The following MROH9 variants were observed in gnomAD, a reference collection of about 807,000 sequenced individuals.
The protein encoded by MROH9 is maestro heat like repeat family member 9.
A neutral mutation model predicts 98.2 loss-of-function variants in MROH9; 92 were observed. The ratio of observed to expected loss-of-function variants is 0.94; its 90% CI spans 0.79 to 1.11. The LOEUF is 1.11. Among genes scored for constraint, MROH9 ranks in the 50% most tolerant of loss-of-function variants. The probability of loss-of-function intolerance (pLI) is 0.00; values close to 1 mark genes in which losing one functional copy is unlikely to be tolerated. For synonymous variants in MROH9, 397 were observed against 368.9 expected, an observed-to-expected ratio of 1.08 and a Z score of -0.87; for missense variants, 1,057 against 1,014.8, an observed-to-expected ratio of 1.04 and a Z score of -0.57.
intron 8 of MROH9, among the ~76,000 whole-genome samples, chr1:170,973,132 C>G (rs932392280): frequency 3.3e-5 from 5 of 152,160 alleles, no homozygotes; most frequent in South Asian, 2.1e-4. Flanking sequence ...CACACACACA[C>G]GCACGCACAA....
chr1:171,064,624 T>C lies in MROH9; in HGVS notation c.*284T>C. On this transcript the variant is annotated 3_prime_UTR_variant, in exon 22 of 22. Coordinates refer to ENST00000367759, the MANE Select transcript of MROH9 (RefSeq NM_001163629.2). ...TTGAAAATAACATAAGCAAAGTGTTTGATGAGAAGCTCTGGGAACTTGATT... is the reference window on the plus strand; with the variant it reads ...TTGAAAATAACATAAGCAAAGTGTTCGATGAGAAGCTCTGGGAACTTGATT... 3.7e-6 allele frequency: 1 copy of C among 272,450 alleles called. No homozygotes were observed. The highest frequency in any genetic ancestry group is 6.8e-6 in the Non-Finnish European group (1 of 146,914). The allele number at this position is 272,450 out of a possible 1,614,324, so 16.9% of individuals were successfully genotyped here.
At chr1:171,000,709 T>A (rs1434096963) in intron 15 of MROH9, among the ~76,000 whole-genome samples, 1 of 152,114 alleles carries the variant, frequency 6.6e-6, no homozygotes, top group Non-Finnish European at 1.5e-5. Context: ...TCTTTTTTGG[T>A]TGTATCTTTA....
intron 20 of MROH9, among the ~76,000 whole-genome samples, chr1:171,050,054 T>C (rs75888410): frequency 0.026 from 3,982 of 152,334 alleles, 163 homozygotes; most frequent in African/African-American, 0.089. Context: ...AAATGCATAC[T>C]ATGCAAATAC....
At chr1:171,007,413 T>C (rs1651998157) in intron 15 of MROH9, among the ~76,000 whole-genome samples, 1 of 152,122 alleles carries the variant, frequency 6.6e-6, no homozygotes, top group Non-Finnish European at 1.5e-5. Flanking sequence ...TGGCTCCTAC[T>C]GTGTAAGTAG....
intron 11 of MROH9, among the ~76,000 whole-genome samples, chr1:170,990,962 T>G (rs16863928): frequency 0.14 from 21,562 of 152,150 alleles, 1,703 homozygotes; most frequent in African/African-American, 0.21. Context: ...CACAAAGTAT[T>G]TTACTATTCA....
At chr1:171,045,815 G>A (rs1653455244) in intron 20 of MROH9, among the ~76,000 whole-genome samples, 2 of 152,114 alleles carry the variant, frequency 1.3e-5, no homozygotes, top group Non-Finnish European at 1.5e-5. Flanking sequence ...TCCATTTCAT[G>A]TATAGTGCAG....
rs1331309015 is a variant in MROH9, at chr1:171,014,110, C to A, written c.1597-7C>A. 2 of 1,548,248 alleles carry A rather than the reference C, an allele frequency of 1.3e-6. No homozygotes were observed. Among genetic ancestry groups the A allele is most frequent in the Admixed American group, 2.0e-5 (1 of 50,646 alleles). Reference sequence around the variant, plus strand: ...TGCTTATAAACTTATTAACTATTTTCTTTCAGCTTCTGAATAACTTCTTCA... The same window carrying A: ...TGCTTATAAACTTATTAACTATTTTATTTCAGCTTCTGAATAACTTCTTCA... On this transcript the variant is annotated splice_region_variant and splice_polypyrimidine_tract_variant and intron_variant, in intron 15 of 21. Coordinates refer to ENST00000367759, the MANE Select transcript of MROH9 (RefSeq NM_001163629.2).
intron 2 of MROH9, among the ~76,000 whole-genome samples, chr1:170,946,273 T>C (rs1478266387): frequency 6.6e-6 from 1 of 151,846 alleles, no homozygotes; most frequent in Non-Finnish European, 1.5e-5. Context: ...ATATTCCCAG[T>C]CTAATTATAT....
At chr1:171,055,600 C>T (rs116427343) in intron 20 of MROH9, among the ~76,000 whole-genome samples, 1,265 of 119,834 alleles carry the variant, frequency 0.011, 9 homozygotes, top group Non-Finnish European at 0.014. Flanking sequence ...CCAGTTTGGG[C>T]AACAGTGTGA....
chr1:170,957,185 A>T (rs1184800778), intron 3 of MROH9, among the ~76,000 whole-genome samples: 1 of 151,970 alleles, frequency 6.6e-6, no homozygotes, highest in Non-Finnish European at 1.5e-5. Context: ...ATGTAGTCCC[A>T]CTTGTTTAAT....
At chr1:171,009,002 T>C (rs1237413082) in intron 15 of MROH9, among the ~76,000 whole-genome samples, 1 of 149,686 alleles carries the variant, frequency 6.7e-6, no homozygotes, top group Non-Finnish European at 1.5e-5. Context: ...TATAATTCTA[T>C]ATAGTTTTAT....
intron 20 of MROH9, among the ~76,000 whole-genome samples, chr1:171,045,103 G>A (rs1309095168): frequency 2.1e-5 from 3 of 141,208 alleles, no homozygotes; most frequent in Admixed American, 7.5e-5. Context: ...CTGGATTCAC[G>A]CCATTCTCCC....
intron 8 of MROH9, among the ~76,000 whole-genome samples, chr1:170,979,677 A>C (rs1482955652): frequency 6.6e-6 from 1 of 152,200 alleles, no homozygotes; most frequent in Non-Finnish European, 1.5e-5. Flanking sequence ...TCTTTGAAAG[A>C]TACTGTTAAT....
chr1:171,051,750 ATTAAAT>A (rs1653671382), intron 20 of MROH9, among the ~76,000 whole-genome samples: 1 of 152,206 alleles, frequency 6.6e-6, no homozygotes, highest in East Asian at 1.9e-4. Flanking sequence ...TTAAAATCAA[ATTAAAT>A]TTAAATTTAA....
In MROH9 at chr1:171,022,931, G is replaced by A. The variant is rs189905517; in HGVS notation, c.1909-1464G>A. ...AAAGAGAAGGCAATGTTTGGCCAAG[G>A]TCATGTATGTGATAAAGTAGTCAGA... On this transcript the variant is annotated intron_variant, in intron 17 of 21. Coordinates refer to ENST00000367759, the MANE Select transcript of MROH9 (RefSeq NM_001163629.2). Among the ~76,000 whole-genome samples the A allele has an allele frequency of 1.2e-4, 18 of 152,238 alleles. No homozygotes were observed. In the East Asian group the frequency reaches 3.5e-3, roughly 29 times the overall value.
At chr1:170,973,783 G>C (rs1006571189) in intron 8 of MROH9, among the ~76,000 whole-genome samples, 17 of 152,170 alleles carry the variant, frequency 1.1e-4, no homozygotes, top group African/African-American at 4.1e-4. Flanking sequence ...GCTGAGACAG[G>C]AGAATTGCTT....
intron 15 of MROH9, 34 bp downstream of exon 15, chr1:170,998,308 C>G: frequency 6.2e-7 from 1 of 1,613,298 alleles, no homozygotes; most frequent in African/African-American, 1.3e-5. Context: ...GCTGTGTTCT[C>G]ATTTCCTTTT....
At chr1:171,000,152 C>T (rs1288498257) in intron 15 of MROH9, among the ~76,000 whole-genome samples, 1 of 152,078 alleles carries the variant, frequency 6.6e-6, no homozygotes, top group East Asian at 1.9e-4. Flanking sequence ...ACTCTGCTGA[C>T]TATTCCTTTT....
At position 170,996,622 on chromosome 1, in the gene MROH9, C is replaced by T; in HGVS notation, c.1453C>T (p.His485Tyr). 6.2e-7 allele frequency: 1 copy of T among 1,613,492 alleles called. No homozygotes were observed. The highest frequency in any genetic ancestry group is 8.5e-7 in the Non-Finnish European group (1 of 1,179,602). ...GTTATCTGAAGATCTGTGTTACTAT[C>T]ATGGAGTCTGCTTTATTGCTAAGTA... is the stretch of plus-strand genomic sequence containing the variant. ...DQLSEDLCYY[H>Y]GVCFIAKTLS... Residue 485 changes from histidine to tyrosine, a missense_variant, in exon 14 of 22, where the codon CAT becomes TAT. Transcript: ENST00000367759.
Sources: allele counts gnomAD v4.1 joint callset (sites outside exome capture counted in the v4.1 genomes callset), GRCh38; gene constraint gnomAD v4.1.1; transcripts MANE v1.5; gene names NCBI Gene and HGNC (gene_info 2026-07-23, HGNC 2026-07-21).